Variants in GRM8 observed in about 807,000 individuals in gnomAD.
GRM8 encodes the protein metabotropic glutamate receptor 8.
Under a neutral mutation model 87.2 loss-of-function variants are expected in GRM8, and 47 were observed. The ratio of observed to expected loss-of-function variants is 0.54; its 90% CI spans 0.43 to 0.69. The LOEUF (loss-of-function observed/expected upper bound fraction) is 0.69. Ranked by LOEUF, GRM8 falls within the 30% of genes least tolerant of loss-of-function variation. The pLI, the probability that GRM8 is intolerant of heterozygous loss-of-function variation, is 0.00. For missense variants in GRM8, 1,019 were observed against 1,139.2 expected, an observed-to-expected ratio of 0.89 and a Z score of 1.52; for synonymous variants, 396 against 404.5, an observed-to-expected ratio of 0.98 and a Z score of 0.25.
intron 8 of GRM8, among the ~76,000 whole-genome samples, chr7:126,534,642 C>T (rs757153220): frequency 2.0e-5 from 3 of 152,144 alleles, no homozygotes; most frequent in Admixed American, 2.0e-4. Context: ...AAAATCCAAC[C>T]TTATGCTTTC....
chr7:126,805,099 T>C (rs1792526033), intron 6 of GRM8, among the ~76,000 whole-genome samples: 1 of 152,182 alleles, frequency 6.6e-6, no homozygotes, highest in Non-Finnish European at 1.5e-5. Flanking sequence ...ATGATCCCTA[T>C]AATAATACGC....
chr7:126,453,554 C>T (rs1188266396), intron 9 of GRM8, among the ~76,000 whole-genome samples: 3 of 151,646 alleles, frequency 2.0e-5, no homozygotes, highest in African/African-American at 4.8e-5. Context: ...ACAGCATCAA[C>T]CAACAAGCAG....
At chr7:126,445,643 T>C (rs1309492058) in intron 10 of GRM8, among the ~76,000 whole-genome samples, 1 of 152,012 alleles carries the variant, frequency 6.6e-6, no homozygotes, top group African/African-American at 2.4e-5. Context: ...GTATTAACTG[T>C]GACTTAACTA....
At chr7:126,983,012 G>A (rs540235143) in intron 3 of GRM8, among the ~76,000 whole-genome samples, 3 of 152,258 alleles carry the variant, frequency 2.0e-5, no homozygotes, top group African/African-American at 4.8e-5. Flanking sequence ...TGTAGTAGTA[G>A]ACTGATTTCG....
chr7:126,666,101 ATAGT>A (rs1476651225), intron 7 of GRM8, among the ~76,000 whole-genome samples: 5 of 152,184 alleles, frequency 3.3e-5, no homozygotes, highest in Non-Finnish European at 5.9e-5. Flanking sequence ...GATCTTTTTG[ATAGT>A]TAGAGTCAAG....
intron 3 of GRM8, among the ~76,000 whole-genome samples, chr7:126,989,009 A>G (rs1352344159): frequency 4.6e-5 from 7 of 152,220 alleles, no homozygotes; most frequent in African/African-American, 1.7e-4. Context: ...GCATTAATAT[A>G]TGATTGTTTG....
intron 3 of GRM8, among the ~76,000 whole-genome samples, chr7:127,040,878 A>C (rs1251275092): frequency 6.6e-6 from 1 of 152,230 alleles, no homozygotes; most frequent in Non-Finnish European, 1.5e-5. Flanking sequence ...GAGAATGGGA[A>C]AAACAAACAG....
chr7:126,739,487 C>T (rs757216205), intron 7 of GRM8, among the ~76,000 whole-genome samples: 2 of 151,904 alleles, frequency 1.3e-5, no homozygotes, highest in Non-Finnish European at 2.9e-5. Flanking sequence ...TTATATTCAC[C>T]TCTTAGCATC....
At chr7:126,481,871 G>A (rs1238553375) in intron 9 of GRM8, among the ~76,000 whole-genome samples, 2 of 151,982 alleles carry the variant, frequency 1.3e-5, no homozygotes, top group African/African-American at 4.8e-5. Context: ...GGGAAAGCTG[G>A]GAGAAGGACG....
chr7:126,633,436 C>T (rs1801541176), intron 7 of GRM8, among the ~76,000 whole-genome samples: 1 of 152,116 alleles, frequency 6.6e-6, no homozygotes, highest in South Asian at 2.1e-4. Flanking sequence ...TGAGCGCTAG[C>T]ATCAATGCTC....
chr7:127,180,082 A>C (rs1794347476), intron 2 of GRM8, among the ~76,000 whole-genome samples: 1 of 149,510 alleles, frequency 6.7e-6, no homozygotes, highest in Non-Finnish European at 1.5e-5. Context: ...TAAAAAGATA[A>C]ATAAAATTGA....
At chr7:126,601,173 T>C (rs1173975016) in intron 8 of GRM8, among the ~76,000 whole-genome samples, 1 of 149,756 alleles carries the variant, frequency 6.7e-6, no homozygotes, top group Non-Finnish European at 1.5e-5. Context: ...TGAGTGAGAA[T>C]ATGCGGTGTT....
chr7:126,633,601 TATATC>T (rs1209200268), intron 7 of GRM8, among the ~76,000 whole-genome samples: 2 of 152,148 alleles, frequency 1.3e-5, no homozygotes, highest in Non-Finnish European at 2.9e-5. Context: ...CTGATATTCT[TATATC>T]ATTTAATCTT....
At chr7:126,734,569 A>G (rs1813983690) in intron 7 of GRM8, among the ~76,000 whole-genome samples, 1 of 151,786 alleles carries the variant, frequency 6.6e-6, no homozygotes, top group Non-Finnish European at 1.5e-5. Context: ...GAGTTTTTTG[A>G]GAAATAACTT....
chr7:127,110,789 TC>T (rs1826276672), intron 2 of GRM8, among the ~76,000 whole-genome samples: 1 of 152,154 alleles, frequency 6.6e-6, no homozygotes, highest in Non-Finnish European at 1.5e-5. Flanking sequence ...CACTCTCCGT[TC>T]CTTTACTGAC....
At chr7:126,734,892 A>C (rs543328455) in intron 7 of GRM8, among the ~76,000 whole-genome samples, 1 of 152,198 alleles carries the variant, frequency 6.6e-6, no homozygotes, top group South Asian at 2.1e-4. Context: ...GTTTAGCACC[A>C]GGAAAGAGAG....
At chr7:126,473,470 G>A (rs562373712) in intron 9 of GRM8, among the ~76,000 whole-genome samples, 9 of 152,198 alleles carry the variant, frequency 5.9e-5, no homozygotes, top group Non-Finnish European at 7.4e-5. Context: ...ACCCAATGCC[G>A]GTACCCAATG....
At chr7:127,100,585 G>T (rs1351099286) in intron 3 of GRM8, among the ~76,000 whole-genome samples, 2 of 152,214 alleles carry the variant, frequency 1.3e-5, no homozygotes, top group Non-Finnish European at 2.9e-5. Flanking sequence ...GGCTGGGGGT[G>T]GCCTCAAATC....
intron 7 of GRM8, among the ~76,000 whole-genome samples, chr7:126,695,570 G>C (rs1412583975): frequency 6.6e-6 from 1 of 152,156 alleles, no homozygotes; most frequent in African/African-American, 2.4e-5. Flanking sequence ...GCCCAATGCT[G>C]TGAGAAATAA....
Sources: allele counts gnomAD v4.1 joint callset (sites outside exome capture counted in the v4.1 genomes callset), GRCh38; gene constraint gnomAD v4.1.1; transcripts MANE v1.5; gene names NCBI Gene and HGNC (gene_info 2026-07-23, HGNC 2026-07-21).